Variants in FAM120C observed in about 807,000 individuals in gnomAD.
FAM120C encodes the protein family with sequence similarity 120 member C.
In FAM120C, 14 loss-of-function variants were observed where a neutral mutation model predicts 71.2. That is an observed-to-expected ratio of 0.20 (90% confidence interval 0.13 to 0.31). The LOEUF (loss-of-function observed/expected upper bound fraction) is 0.31, where lower values mean the gene tolerates loss of function less well. Ranked by LOEUF, FAM120C falls within the 10% of genes least tolerant of loss-of-function variation. FAM120C has a pLI of 1.00. For missense variants in FAM120C, 500 were observed against 879.0 expected, an observed-to-expected ratio of 0.57 and a Z score of 5.45; for synonymous variants, 354 against 353.2, an observed-to-expected ratio of 1.00 and a Z score of -0.03.
intron 1 of FAM120C, chrX:54,174,236 C>A: frequency 2.0e-6 from 1 of 503,227 alleles, no homozygotes; most frequent in Non-Finnish European, 3.6e-6. Context: ...ATAACCTAAT[C>A]TTGGAAGTGA....
chrX:54,129,763 A>G (rs2067053575), intron 9 of FAM120C, among the ~76,000 whole-genome samples: 1 of 112,347 alleles, frequency 8.9e-6, no homozygotes, highest in East Asian at 2.8e-4. Flanking sequence ...TCCGTCTGCA[A>G]TCCCGGCTCC....
At chrX:54,176,432 CAA>C (rs1197918401) in intron 1 of FAM120C, among the ~76,000 whole-genome samples, 7 of 36,393 alleles carry the variant, frequency 1.9e-4, no homozygotes, top group Admixed American at 3.2e-4. Context: ...GACTCTGTCT[CAA>C]AAAAAAAAAA....
rs2066706218 is a variant in FAM120C, at chrX:54,070,863, C to G, written c.*2170G>C. 9.0e-6 allele frequency: 1 copy of G among 111,439 alleles called. No individual in the cohort carries two copies. The highest frequency in any genetic ancestry group is 1.9e-5 in the Non-Finnish European group (1 of 53,101). The allele number at this position is 111,439 out of a possible 1,213,427, so 9.2% of individuals were successfully genotyped here. A position where few individuals can be genotyped will look rare whatever the true frequency, so the allele number is the denominator to read the frequency against. On this transcript the variant is annotated 3_prime_UTR_variant, in exon 16 of 16. Coordinates refer to ENST00000375180, the MANE Select transcript of FAM120C (RefSeq NM_017848.6). ...GTCAAGGCATTGCAGGGCTCCCTCC[C>G]CCTGAAAATCATGGATTCTCTTAAT... is the stretch of plus-strand genomic sequence containing the variant.
chrX:54,090,447 G>C (rs782767662), intron 11 of FAM120C, among the ~76,000 whole-genome samples: 11 of 110,058 alleles, frequency 1.0e-4, no homozygotes, highest in African/African-American at 3.0e-4. Flanking sequence ...TGGCCAGGGT[G>C]GTCTCGAACT....
intron 4 of FAM120C, among the ~76,000 whole-genome samples, chrX:54,145,582 A>G (rs1204762779): frequency 2.7e-5 from 3 of 112,588 alleles, no homozygotes; most frequent in Non-Finnish European, 3.7e-5. Context: ...GCCATCAGAG[A>G]AATGCAAATC....
At chrX:54,159,294 A>G in intron 2 of FAM120C, 76 bp downstream of exon 2, 2 of 1,134,016 alleles carry the variant, frequency 1.8e-6, no homozygotes, top group South Asian at 3.8e-5. Context: ...GACAGGCTAA[A>G]TCACTCTAGT....
At chrX:54,159,760 A>AATTT in intron 1 of FAM120C, 144 bp from the exon 2 acceptor site, 1 of 475,454 alleles carries the variant, frequency 2.1e-6, no homozygotes, top group Non-Finnish European at 3.0e-6. Context: ...AACATTTTTT[A>AATTT]CTTTTTTTTT....
chrX:54,163,884 TTGTG>T (rs782142864), intron 1 of FAM120C, among the ~76,000 whole-genome samples: 30,754 of 102,861 alleles, frequency 0.3, 7,980 homozygotes, highest in African/African-American at 0.84. Flanking sequence ...CCTTTTTATG[TTGTG>T]TGTGTGTGTG....
intron 1 of FAM120C, among the ~76,000 whole-genome samples, chrX:54,173,614 C>T (rs2067300764): frequency 8.9e-6 from 1 of 112,537 alleles, no homozygotes; most frequent in African/African-American, 3.2e-5. Flanking sequence ...TTTCAACAGA[C>T]ACATTTTATT....
chrX:54,089,961 A>G (rs1557122442), intron 11 of FAM120C, among the ~76,000 whole-genome samples: 2 of 105,287 alleles, frequency 1.9e-5, no homozygotes, highest in Non-Finnish European at 3.9e-5. Context: ...CTCCATCTTG[A>G]AAAAAAAAAA....
chrX:54,145,459 G>A (rs1227755998), intron 4 of FAM120C, among the ~76,000 whole-genome samples: 1 of 111,187 alleles, frequency 9.0e-6, no homozygotes, highest in South Asian at 3.7e-4. Flanking sequence ...AGATTTACAA[G>A]AAAAAAATCA....
intron 1 of FAM120C, among the ~76,000 whole-genome samples, chrX:54,181,178 TTC>T (rs1205745688): frequency 1.8e-5 from 2 of 110,812 alleles, no homozygotes; most frequent in Admixed American, 9.6e-5. Flanking sequence ...CACTGCAAGC[TTC>T]TCTGTTTAGG....
At chrX:54,115,207 T>C (rs1199525190) in intron 10 of FAM120C, among the ~76,000 whole-genome samples, 1 of 112,610 alleles carries the variant, frequency 8.9e-6, no homozygotes, top group African/African-American at 3.2e-5. Flanking sequence ...GCTACATGTG[T>C]GTCTGAGTGT....
chrX:54,158,496 C>T (rs781793329), intron 2 of FAM120C, among the ~76,000 whole-genome samples: 2 of 112,118 alleles, frequency 1.8e-5, no homozygotes, highest in South Asian at 3.7e-4. Context: ...GGGCCAGGCA[C>T]GGTGTCTCAC....
chrX:54,105,162 A>C (rs902014901), intron 10 of FAM120C, among the ~76,000 whole-genome samples: 1 of 111,837 alleles, frequency 8.9e-6, no homozygotes, highest in South Asian at 3.8e-4. Context: ...ATCGTCAAGA[A>C]AATACTGGCA....
chrX:54,180,783 A>G (rs2067344285), intron 1 of FAM120C, among the ~76,000 whole-genome samples: 1 of 111,612 alleles, frequency 9.0e-6, no homozygotes, highest in South Asian at 3.7e-4. Flanking sequence ...TACTGCTTTC[A>G]TAGGTTATTG....
intron 12 of FAM120C, 147 bp downstream of exon 12, chrX:54,087,608 C>T (rs1422940895): frequency 1.9e-6 from 1 of 527,103 alleles, no homozygotes; most frequent in South Asian, 3.3e-5. Flanking sequence ...GCCTTTGGGA[C>T]CACTGTTGAC....
intron 3 of FAM120C, among the ~76,000 whole-genome samples, chrX:54,154,932 G>A (rs1346025788): frequency 1.8e-5 from 2 of 111,086 alleles, no homozygotes; most frequent in African/African-American, 6.6e-5. Flanking sequence ...CGGGCATGGT[G>A]GCTCACGGCT....
intron 10 of FAM120C, among the ~76,000 whole-genome samples, chrX:54,106,222 A>G: frequency 8.9e-6 from 1 of 111,882 alleles, no homozygotes; most frequent in Non-Finnish European, 1.9e-5. Flanking sequence ...ATATAGATCA[A>G]TGCAACAGAA....
Sources: gnomAD v4.1 joint callset for allele counts (sites outside exome capture counted in the v4.1 genomes callset) on GRCh38, gnomAD v4.1.1 for gene constraint, MANE v1.5 for transcripts, NCBI Gene and HGNC (gene_info 2026-07-23, HGNC 2026-07-21) for gene names.